RBFOX2: variants seen among roughly 807,000 people sequenced by gnomAD.
RBFOX2 encodes RNA binding fox-1 homolog 2.
RBFOX2 carries 10 observed loss-of-function variants against 49.1 expected under a neutral mutation model. The ratio of observed to expected loss-of-function variants is 0.20; its 90% CI spans 0.13 to 0.35. RBFOX2 has a LOEUF of 0.35. Among genes scored for constraint, RBFOX2 ranks in the 10% least tolerant of loss-of-function variants. The probability of loss-of-function intolerance (pLI) is 1.00; values close to 1 mark genes in which losing one functional copy is unlikely to be tolerated. For synonymous variants in RBFOX2, 183 were observed against 187.4 expected (o/e 0.98, Z 0.19); for missense variants, 323 against 486.9 (o/e 0.66, Z 3.17).
At chr22:35,896,664 C>T (rs1278970824) in intron 1 of RBFOX2, among the ~76,000 whole-genome samples, 1 of 152,122 alleles carries the variant, frequency 6.6e-6, no homozygotes, top group Non-Finnish European at 1.5e-5. Flanking sequence ...GCATGCTTTC[C>T]GCAGACGAAC....
chr22:35,888,449 A>G (rs2046860096), intron 1 of RBFOX2, among the ~76,000 whole-genome samples: 1 of 152,198 alleles, frequency 6.6e-6, no homozygotes, highest in Non-Finnish European at 1.5e-5. Flanking sequence ...GCTATACAAT[A>G]CAGCCCATTG....
intron 9 of RBFOX2, 121 bp from the exon 11 acceptor site, chr22:35,756,265 A>C: frequency 1.5e-5 from 12 of 808,606 alleles, no homozygotes; most frequent in Non-Finnish European, 1.9e-5. Context: ...ATGAATACAT[A>C]ACCTGGGCTT....
chr22:35,889,278 G>C (rs574710768), intron 1 of RBFOX2, among the ~76,000 whole-genome samples: 1 of 152,136 alleles, frequency 6.6e-6, no homozygotes, highest in African/African-American at 2.4e-5. Flanking sequence ...GGGGCATGCA[G>C]GTTTCTCACA....
chr22:35,898,151 G>C (rs867895057), intron 1 of RBFOX2: 1 of 742,838 alleles, frequency 1.3e-6, no homozygotes, highest in Non-Finnish European at 2.5e-6. Context: ...GTATCACACC[G>C]ATAGGGTATG....
At chr22:36,028,665 G>A (rs1307031488) in exon 1 of RBFOX2, among the ~76,000 whole-genome samples, 1 of 149,942 alleles carries the variant, frequency 6.7e-6, no homozygotes, top group South Asian at 2.1e-4. Context: ...CCACTGGCGG[G>A]TCGTGATGAG....
chr22:35,863,089 T>C (rs990589794), intron 1 of RBFOX2, among the ~76,000 whole-genome samples: 1 of 152,072 alleles, frequency 6.6e-6, no homozygotes, highest in Non-Finnish European at 1.5e-5. Context: ...AAAAGTCAGC[T>C]GGGGGGCAGG....
chr22:35,802,955 A>G (rs938707437), intron 2 of RBFOX2, among the ~76,000 whole-genome samples: 2 of 152,184 alleles, frequency 1.3e-5, no homozygotes, highest in African/African-American at 4.8e-5. Context: ...TGAAAGCTCA[A>G]TAAGCTTCAG....
At chr22:35,947,252 T>C (rs1043654845) in intron 1 of RBFOX2, among the ~76,000 whole-genome samples, 1 of 152,132 alleles carries the variant, frequency 6.6e-6, no homozygotes, top group African/African-American at 2.4e-5. Flanking sequence ...ACATCATAAC[T>C]GTCATGGCAC....
intron 3 of RBFOX2, 22 bp downstream of exon 4, chr22:35,781,578 T>C (rs547688676): frequency 1.9e-6 from 3 of 1,606,274 alleles, no homozygotes; most frequent in Admixed American, 1.7e-5. Context: ...GTAAAATCCA[T>C]AAAAAGACTT....
intron 1 of RBFOX2, among the ~76,000 whole-genome samples, chr22:35,857,733 A>G (rs1171575752): frequency 6.6e-6 from 1 of 152,226 alleles, no homozygotes; most frequent in African/African-American, 2.4e-5. Flanking sequence ...AGTAGAGACA[A>G]AAGAAAAATG....
intron 1 of RBFOX2, among the ~76,000 whole-genome samples, chr22:35,852,378 CA>C (rs2042039243): frequency 6.7e-6 from 1 of 149,760 alleles, no homozygotes; most frequent in Admixed American, 6.7e-5. Flanking sequence ...TAAGAAATAA[CA>C]AAAGACTGGG....
At chr22:35,760,075 GCA>G (rs780086020) in intron 8 of RBFOX2, 55 bp from the exon 10 acceptor site, 31 of 1,600,300 alleles carry the variant, frequency 1.9e-5, no homozygotes, top group Non-Finnish European at 2.3e-5. Context: ...AATAGAAGGT[GCA>G]CAGTCACAAC....
rs553462545 is a variant in RBFOX2 at position 35,886,173 on chromosome 22, T to C, written c.-34+52674A>G. On this transcript the variant is annotated intron_variant, in intron 1 of 13. Transcript: ENST00000359369. ...GCCCGGCCCAAACACAATATTTTAGTTGAACACTTTGCTACCCAGACAGTT... is the reference window on the plus strand; with the variant it reads ...GCCCGGCCCAAACACAATATTTTAGCTGAACACTTTGCTACCCAGACAGTT... Among the ~76,000 whole-genome samples, 6 of 152,284 alleles carry C rather than the reference T, an allele frequency of 3.9e-5. No individual in the cohort carries two copies. The East Asian group carries it at 1.2e-3, about 29-fold the overall frequency.
rs1417694996 is a variant in RBFOX2, at chr22:35,822,728, A to G, written c.28-12724T>C. The G allele has an allele frequency of 1.5e-5, 6 of 391,716 alleles. No homozygotes were observed. In the East Asian group the frequency reaches 4.3e-4, roughly 28 times the overall value. 24.3% of individuals were successfully genotyped at this position (391,716 alleles called of 1,614,324 possible). A position where few individuals can be genotyped will look rare whatever the true frequency, so the allele number is the denominator to read the frequency against. ...ATATGAGACTAAAGGAAGAGGTGCC[A>G]ATATCTAACACACACACAAAATTAA... On this transcript the variant is annotated intron_variant, in intron 1 of 11. Transcript: ENST00000405409.
At chr22:35,819,028 C>A (rs1489829185) in intron 1 of RBFOX2, among the ~76,000 whole-genome samples, 1 of 152,152 alleles carries the variant, frequency 6.6e-6, no homozygotes, top group Non-Finnish European at 1.5e-5. Flanking sequence ...ACCATGGTTA[C>A]ATGGTGGCTT....
At chr22:35,836,396 G>C (rs182243616) in intron 1 of RBFOX2, 9 of 152,352 alleles carry the variant, frequency 5.9e-5, no homozygotes, top group Admixed American at 5.9e-4. Flanking sequence ...AGGAACAGAA[G>C]AGCGAACTGG....
chr22:35,915,382 GA>G (rs1434101127), intron 1 of RBFOX2, among the ~76,000 whole-genome samples: 1 of 152,164 alleles, frequency 6.6e-6, no homozygotes, highest in African/African-American at 2.4e-5. Context: ...GAGAATGCAG[GA>G]AGTGTCTGCC....
intron 2 of RBFOX2, among the ~76,000 whole-genome samples, chr22:35,799,860 A>AGGAGGACCATCTGAGCCT (rs1949461313): frequency 6.6e-6 from 1 of 152,026 alleles, no homozygotes; most frequent in Admixed American, 6.6e-5. Flanking sequence ...CGGCTGAGGC[A>AGGAGGACCATCTGAGCCT]GGAGGACCAT....
At chr22:35,957,305 G>T (rs560185479) in intron 1 of RBFOX2, among the ~76,000 whole-genome samples, 62 of 152,192 alleles carry the variant, frequency 4.1e-4, no homozygotes, top group South Asian at 4.1e-4. Context: ...ATAATAATAA[G>T]AAGAAACAGT....
Sources: allele counts gnomAD v4.1 joint callset (sites outside exome capture counted in the v4.1 genomes callset), GRCh38; gene constraint gnomAD v4.1.1; transcripts MANE v1.5; gene names NCBI Gene and HGNC (gene_info 2026-07-23, HGNC 2026-07-21).